The following CHODL variants were observed in gnomAD, a reference collection of about 807,000 sequenced individuals.
The protein encoded by CHODL is transmembrane protein MT75.
Under a neutral mutation model 34.5 loss-of-function variants are expected in CHODL, and 29 were observed. The ratio of observed to expected loss-of-function variants is 0.84; its 90% CI spans 0.63 to 1.15. CHODL has a LOEUF of 1.15. Ranked by LOEUF, CHODL falls within the 50% of genes most tolerant of loss-of-function variation. The probability of loss-of-function intolerance (pLI) is 0.00; values close to 1 mark genes in which losing one functional copy is unlikely to be tolerated. For missense variants in CHODL, 332 were observed against 332.5 expected (o/e 1.00, Z 0.01); for synonymous variants, 125 against 116.1 (o/e 1.08, Z -0.49).
chr21:18,229,612 G>A (rs1476576217), intron 2 of CHODL, among the ~76,000 whole-genome samples: 1 of 152,112 alleles, frequency 6.6e-6, no homozygotes, highest in Non-Finnish European at 1.5e-5. Flanking sequence ...TGGGATGGAC[G>A]CTCATAATTC....
intron 2 of CHODL, among the ~76,000 whole-genome samples, chr21:18,053,006 C>A (rs112495900): frequency 5.3e-5 from 8 of 151,954 alleles, no homozygotes; most frequent in African/African-American, 1.7e-4. Context: ...TCATTAGGTA[C>A]ACTGTGTGCA....
At chr21:17,940,346 C>A (rs2063352832) in intron 1 of CHODL, among the ~76,000 whole-genome samples, 1 of 152,132 alleles carries the variant, frequency 6.6e-6, no homozygotes, top group Non-Finnish European at 1.5e-5. Flanking sequence ...GAGCTATATT[C>A]ATACAAAGAA....
At chr21:17,980,799 C>T (rs1213612020) in intron 1 of CHODL, among the ~76,000 whole-genome samples, 1 of 152,184 alleles carries the variant, frequency 6.6e-6, no homozygotes, top group Non-Finnish European at 1.5e-5. Flanking sequence ...TGCATGTGAT[C>T]ATGTGTGCAC....
intron 1 of CHODL, among the ~76,000 whole-genome samples, chr21:17,929,081 C>G (rs2063250490): frequency 6.6e-6 from 1 of 152,094 alleles, no homozygotes; most frequent in Non-Finnish European, 1.5e-5. Flanking sequence ...GAAAAGACAG[C>G]CAACATATTC....
At chr21:18,082,049 A>G (rs531123205) in intron 2 of CHODL, among the ~76,000 whole-genome samples, 7 of 152,302 alleles carry the variant, frequency 4.6e-5, no homozygotes, top group South Asian at 2.1e-4. Context: ...CCCCACCCAA[A>G]TCTCATCTGA....
At chr21:18,079,524 A>C (rs762290874) in intron 2 of CHODL, among the ~76,000 whole-genome samples, 7 of 149,566 alleles carry the variant, frequency 4.7e-5, no homozygotes, top group Non-Finnish European at 1.0e-4. Flanking sequence ...ATACCATAGA[A>C]TATTATATAT....
At chr21:18,043,423 T>C (rs2049959481) in intron 2 of CHODL, among the ~76,000 whole-genome samples, 1 of 151,972 alleles carries the variant, frequency 6.6e-6, no homozygotes, top group Non-Finnish European at 1.5e-5. Context: ...TGCTGCCTTA[T>C]TTTCATTGAG....
intron 2 of CHODL, among the ~76,000 whole-genome samples, chr21:18,152,006 GTGTGTGTGTGTGTGTGTGTT>G (rs1311178439): frequency 6.6e-6 from 1 of 151,684 alleles, no homozygotes; most frequent in African/African-American, 2.4e-5. Flanking sequence ...GTGTGTGTGT[GTGTGTGTGTGTGTGTGTGTT>G]TGTGTGTGTG....
intron 1 of CHODL, among the ~76,000 whole-genome samples, chr21:17,929,899 T>A (rs1477927192): frequency 6.6e-6 from 1 of 151,218 alleles, no homozygotes. Context: ...TGCTGCAGGG[T>A]AGAGGAGCAA....
At chr21:18,098,210 G>A (rs2065163736) in intron 2 of CHODL, among the ~76,000 whole-genome samples, 1 of 151,896 alleles carries the variant, frequency 6.6e-6, no homozygotes, top group South Asian at 2.1e-4. Flanking sequence ...AGGAACAAAT[G>A]GGATCATATC....
chr21:18,027,283 A>T (rs1370918078), intron 1 of CHODL, among the ~76,000 whole-genome samples: 6 of 152,064 alleles, frequency 3.9e-5, no homozygotes, highest in Non-Finnish European at 8.8e-5. Context: ...CTAAAAAGCA[A>T]TCGTAACAAT....
At chr21:17,936,215 A>G (rs981815200) in intron 1 of CHODL, among the ~76,000 whole-genome samples, 5 of 152,196 alleles carry the variant, frequency 3.3e-5, no homozygotes, top group African/African-American at 1.2e-4. Context: ...GATTCAGGCA[A>G]TGAAGGACAG....
At chr21:18,178,507 T>C (rs941272865) in intron 2 of CHODL, among the ~76,000 whole-genome samples, 1 of 152,240 alleles carries the variant, frequency 6.6e-6, no homozygotes. Context: ...GAAAGTCTAC[T>C]GTTGACTGGA....
intron 1 of CHODL, among the ~76,000 whole-genome samples, chr21:17,930,843 A>G (rs1030012468): frequency 1.3e-5 from 2 of 152,176 alleles, no homozygotes; most frequent in Non-Finnish European, 2.9e-5. Flanking sequence ...GTGTTCCTAC[A>G]CTGGAGAACA....
chr21:17,955,847 A>G (rs762569752), intron 1 of CHODL, among the ~76,000 whole-genome samples: 2 of 136,942 alleles, frequency 1.5e-5, no homozygotes, highest in Admixed American at 7.2e-5. Context: ...GATGTCTTCA[A>G]TCCTTTATTT....
intron 2 of CHODL, among the ~76,000 whole-genome samples, chr21:18,151,988 CTGTGTG>C (rs71941239): frequency 0.03 from 4,318 of 146,008 alleles, 67 homozygotes; most frequent in African/African-American, 0.046. Context: ...GTATATAACT[CTGTGTG>C]TGTGTGTGTG....
chr21:18,033,753 G>A (rs529194429), intron 2 of CHODL, among the ~76,000 whole-genome samples: 1 of 152,056 alleles, frequency 6.6e-6, no homozygotes, highest in Non-Finnish European at 1.5e-5. Flanking sequence ...CAGAACCATT[G>A]AGAACATATT....
chr21:18,233,482 A>G (rs1456603124), intron 2 of CHODL, among the ~76,000 whole-genome samples: 1 of 152,076 alleles, frequency 6.6e-6, no homozygotes, highest in Non-Finnish European at 1.5e-5. Context: ...TAATATATTA[A>G]ATGTTTCAAA....
At chr21:18,005,717 C>T (rs1018086945) in intron 1 of CHODL, among the ~76,000 whole-genome samples, 1 of 152,182 alleles carries the variant, frequency 6.6e-6, no homozygotes, top group Non-Finnish European at 1.5e-5. Flanking sequence ...GTTTGAGGAG[C>T]TAGGCCCCTT....
Sources: allele counts gnomAD v4.1 joint callset (sites outside exome capture counted in the v4.1 genomes callset), GRCh38; gene constraint gnomAD v4.1.1; transcripts MANE v1.5; gene names NCBI Gene and HGNC (gene_info 2026-07-23, HGNC 2026-07-21).